The following ZGPAT variants were observed in gnomAD, a reference collection of about 807,000 sequenced individuals.
ZGPAT encodes the protein zinc finger CCCH-type with G patch domain-containing protein.
In ZGPAT, 39 loss-of-function variants were observed where a neutral mutation model predicts 47.9. The ratio of observed to expected loss-of-function variants is 0.81; its 90% CI spans 0.63 to 1.06. The LOEUF is 1.06. Among genes scored for constraint, ZGPAT ranks in the 50% least tolerant of loss-of-function variants. ZGPAT has a pLI of 0.00. For missense variants in ZGPAT, 717 were observed against 681.4 expected (o/e 1.05, Z -0.58); for synonymous variants, 348 against 292.9 (o/e 1.19, Z -1.92).
chr20:63,719,381 G>A (rs745461270), intron 2 of ZGPAT, among the ~76,000 whole-genome samples: 9 of 152,160 alleles, frequency 5.9e-5, no homozygotes, highest in Non-Finnish European at 8.8e-5. Flanking sequence ...TCTGTTTGCC[G>A]CTTATGGAAC....
intron 2 of ZGPAT, among the ~76,000 whole-genome samples, chr20:63,732,297 G>A (rs2091914982): frequency 1.5e-5 from 2 of 129,046 alleles, no homozygotes; most frequent in Non-Finnish European, 3.4e-5. Context: ...GCGTGTGTGT[G>A]TGCATGTGTG....
At chr20:63,719,535 C>A (rs948311633) in intron 2 of ZGPAT, among the ~76,000 whole-genome samples, 5 of 151,942 alleles carry the variant, frequency 3.3e-5, no homozygotes, top group African/African-American at 1.2e-4. Context: ...CTTTCTTCTT[C>A]CTTCTCAAAT....
At chr20:63,725,008 G>A (rs1237146904) in intron 2 of ZGPAT, among the ~76,000 whole-genome samples, 1 of 145,320 alleles carries the variant, frequency 6.9e-6, no homozygotes, top group Admixed American at 7.0e-5. Context: ...TTTTGAGATG[G>A]GGTCTCGCTC....
At chr20:63,734,325 GC>G in intron 4 of ZGPAT, 1 of 326,526 alleles carries the variant, frequency 3.1e-6, no homozygotes, top group Non-Finnish European at 5.7e-6. Context: ...GGTTTCTGAA[GC>G]CCCATGTCCC....
At chr20:63,724,342 A>G (rs1310160066) in intron 2 of ZGPAT, among the ~76,000 whole-genome samples, 1 of 145,524 alleles carries the variant, frequency 6.9e-6, no homozygotes. Context: ...TACAGCCTAG[A>G]TGACAGAGCG....
intron 2 of ZGPAT, among the ~76,000 whole-genome samples, 188 bp from the exon 3 acceptor site, chr20:63,733,031 T>A (rs2091937438): frequency 6.6e-6 from 1 of 151,498 alleles, no homozygotes; most frequent in African/African-American, 2.4e-5. Flanking sequence ...TGCGTGAGTG[T>A]GTGCATGTGT....
chr20:63,712,535 T>C (rs1171891386), intron 2 of ZGPAT, among the ~76,000 whole-genome samples: 1 of 152,302 alleles, frequency 6.6e-6, no homozygotes, highest in East Asian at 1.9e-4. Flanking sequence ...TAAAAGACAG[T>C]TTGAATTTTG....
Position 63,732,640 on chromosome 20 carries a change from A to G in ZGPAT, c.585-579A>G, listed in dbSNP as rs530641627. ...CTGTGTATGTGTATGACGTGTGAGT[A>G]CATGTGTTAATGTGTGTGTACATGT... is the stretch of plus-strand genomic sequence containing the variant. On this transcript the variant is annotated intron_variant, in intron 2 of 6. Transcript: ENST00000355969. 4.3e-3 allele frequency among the ~76,000 whole-genome samples: 263 copies of G among 60,628 alleles called. 1 individual carries two copies. Among genetic ancestry groups the G allele is most frequent in the African/African-American group, 0.018 (252 of 14,348 alleles). The allele number at this position is 60,628 out of a possible 152,430, so 39.8% of individuals were successfully genotyped here.
At chr20:63,713,531 G>C (rs67468102) in intron 2 of ZGPAT, among the ~76,000 whole-genome samples, 29,333 of 150,922 alleles carry the variant, frequency 0.19, 3,828 homozygotes, top group East Asian at 0.62. Flanking sequence ...GTGCCCGGCT[G>C]GAGTTGTTTT....
At position 63,735,916 on chromosome 20, in the gene ZGPAT, C is replaced by T. The variant is rs1261009197; in HGVS notation, c.1533C>T (p.Phe511=). The T allele has an allele frequency of 6.2e-7, 1 of 1,611,430 alleles. No homozygotes were observed. The highest frequency in any genetic ancestry group is 1.1e-5 in the South Asian group (1 of 90,922). The change falls in exon 7 of 7, where the codon TTC becomes TTT. Residue 511 remains phenylalanine (F), a synonymous_variant. Coordinates refer to ENST00000355969, the MANE Select transcript of ZGPAT (RefSeq NM_181485.3). ...ACACCCACAAGAAGATGACTGAGTT[C>T]TAGAGACCCCACAAGCACTATGGAC... ...KADTHKKMTE[F] is the part of the protein sequence containing the mutation.
chr20:63,729,424 T>G, intron 2 of ZGPAT, among the ~76,000 whole-genome samples: 1 of 152,256 alleles, frequency 6.6e-6, no homozygotes, highest in East Asian at 1.9e-4. Context: ...GTTAAGTCTT[T>G]ACTAATTCTG....
intron 2 of ZGPAT, among the ~76,000 whole-genome samples, chr20:63,715,941 C>T (rs2738757): frequency 0.014 from 2,205 of 152,256 alleles, 23 homozygotes; most frequent in Non-Finnish European, 0.023. Flanking sequence ...GAAGCTAAAA[C>T]GTATAACTGT....
chr20:63,721,073 C>T (rs1030123129), intron 2 of ZGPAT, among the ~76,000 whole-genome samples: 8 of 151,920 alleles, frequency 5.3e-5, no homozygotes, highest in Non-Finnish European at 1.0e-4. Context: ...ATAAAGAGGC[C>T]GGGCGCAGTG....
chr20:63,715,592 G>A (rs888639957), intron 2 of ZGPAT, among the ~76,000 whole-genome samples: 4 of 152,104 alleles, frequency 2.6e-5, no homozygotes, highest in African/African-American at 9.7e-5. Flanking sequence ...AACATTGCTG[G>A]ATTTGATTTG....
At chr20:63,734,370 G>C in intron 4 of ZGPAT, 1 of 403,122 alleles carries the variant, frequency 2.5e-6, no homozygotes, top group Non-Finnish European at 4.5e-6. Flanking sequence ...GACTCTGTGA[G>C]GGCAGGTGAG....
chr20:63,734,599 A>G (rs749158913), intron 4 of ZGPAT, 106 bp from the exon 5 acceptor site: 22 of 1,543,060 alleles, frequency 1.4e-5, no homozygotes, highest in Non-Finnish European at 1.8e-5. Context: ...ACCATGCACA[A>G]TCCTCTGGCC....
At position 63,708,800 on chromosome 20, in the gene ZGPAT, C is replaced by T; in HGVS notation, c.220C>T (p.Gln74Ter). The change falls in exon 2 of 7, where the codon CAG becomes TAG. Residue 74 changes from glutamine to a stop codon, truncating the protein, a stop_gained. Coordinates refer to ENST00000355969, the MANE Select transcript of ZGPAT (RefSeq NM_181485.3). LOFTEE classifies it high-confidence loss of function. Reference sequence around the variant, plus strand: ...GCTGGACGAAGAGCGCCCGGGCCGCCAGGAAGATGCTGAGTACCAGGCTTT... The same window carrying T: ...GCTGGACGAAGAGCGCCCGGGCCGCTAGGAAGATGCTGAGTACCAGGCTTT... ...AALDEERPGR[Q>*]EDAEYQAFRE... The T allele has an allele frequency of 6.2e-7, 1 of 1,605,444 alleles. No homozygotes were observed. The highest frequency in any genetic ancestry group is 8.5e-7 in the Non-Finnish European group (1 of 1,174,224).
chr20:63,725,895 C>A (rs966158650), intron 2 of ZGPAT, among the ~76,000 whole-genome samples: 3 of 151,444 alleles, frequency 2.0e-5, no homozygotes, highest in Admixed American at 2.0e-4. Flanking sequence ...TGCAGTGGCG[C>A]GATTTCGGCT....
chr20:63,732,361 TG>T (rs1568799484), intron 2 of ZGPAT, among the ~76,000 whole-genome samples: 189 of 145,724 alleles, frequency 1.3e-3, no homozygotes, highest in African/African-American at 4.8e-3. Context: ...TGTGTGCATG[TG>T]TCAGGGTGTG....
Sources: allele counts gnomAD v4.1 joint callset (sites outside exome capture counted in the v4.1 genomes callset), GRCh38; gene constraint gnomAD v4.1.1; transcripts MANE v1.5; gene names NCBI Gene and HGNC (gene_info 2026-07-23, HGNC 2026-07-21).